CDH9: variants seen among roughly 807,000 people sequenced by gnomAD.
CDH9 encodes the protein cadherin-9.
A neutral mutation model predicts 70.9 loss-of-function variants in CDH9; 28 were observed. That is an observed-to-expected ratio of 0.40 (90% CI 0.29 to 0.54). The LOEUF (loss-of-function observed/expected upper bound fraction) is 0.54. CDH9 is among the 20% of genes least tolerant of loss of function. The pLI is 0.59. For missense variants in CDH9, 874 were observed against 984.4 expected (o/e 0.89, Z 1.50); for synonymous variants, 409 against 343.1 (o/e 1.19, Z -2.12).
chr5:27,008,786 G>A (rs1271078434), intron 1 of CDH9, among the ~76,000 whole-genome samples: 1 of 152,124 alleles, frequency 6.6e-6, no homozygotes, highest in Non-Finnish European at 1.5e-5. Context: ...CATTTACCAA[G>A]CCAGTCCACA....
intron 1 of CDH9, 36 bp from the exon 2 acceptor site, chr5:26,988,418 C>A: frequency 6.6e-7 from 1 of 1,520,268 alleles, no homozygotes; most frequent in South Asian, 1.3e-5. Context: ...GCTGTATTAG[C>A]TTGAGTTTCA....
At chr5:26,888,944 C>T (rs1369348380) in intron 9 of CDH9, among the ~76,000 whole-genome samples, 1 of 152,128 alleles carries the variant, frequency 6.6e-6, no homozygotes, top group African/African-American at 2.4e-5. Context: ...TATAACTTCA[C>T]TTCATCTTAA....
At chr5:26,967,747 C>G (rs901538770) in intron 2 of CDH9, among the ~76,000 whole-genome samples, 7 of 152,028 alleles carry the variant, frequency 4.6e-5, no homozygotes, top group African/African-American at 1.7e-4. Context: ...GTCACCCAGG[C>G]TGGAGTATAG....
intron 2 of CDH9, among the ~76,000 whole-genome samples, chr5:26,955,494 T>C (rs1441742737): frequency 6.6e-6 from 1 of 152,166 alleles, no homozygotes; most frequent in East Asian, 1.9e-4. Flanking sequence ...CCTTGGCTCG[T>C]AGCCCCATTC....
At chr5:26,901,011 A>C (rs1480939769) in intron 7 of CDH9, among the ~76,000 whole-genome samples, 2 of 152,030 alleles carry the variant, frequency 1.3e-5, no homozygotes, top group African/African-American at 2.4e-5. Context: ...CATTTCAATA[A>C]AACACAAATC....
At position 26,929,842 on chromosome 5, in the gene CDH9, G is replaced by T. The variant is rs147860222; in HGVS notation, c.229-13918C>A. On this transcript the variant is annotated intron_variant, in intron 2 of 11. Transcript: ENST00000231021. ...AGTAGAATGATGGTTACCAGAGGCT[G>T]GGAAGTTTAGTATCGAATGGGGAGG... Among the ~76,000 whole-genome samples the T allele has an allele frequency of 6.5e-3, 993 of 152,048 alleles. 10 individuals carry two copies. Among genetic ancestry groups the T allele is most frequent in the African/African-American group, 0.021 (892 of 41,510 alleles).
chr5:26,918,233 A>G (rs777414008), intron 2 of CDH9, among the ~76,000 whole-genome samples: 2 of 151,644 alleles, frequency 1.3e-5, no homozygotes, highest in Admixed American at 6.6e-5. Flanking sequence ...TTACACCTTT[A>G]CCTTCTTTTT....
At chr5:26,886,961 C>A (rs951703202) in intron 9 of CDH9, among the ~76,000 whole-genome samples, 12 of 152,114 alleles carry the variant, frequency 7.9e-5, no homozygotes, top group Non-Finnish European at 1.2e-4. Flanking sequence ...ATAGACAGGT[C>A]TCATAGTCTA....
chr5:26,893,644 T>C (rs1465965669), intron 7 of CDH9, among the ~76,000 whole-genome samples: 1 of 151,888 alleles, frequency 6.6e-6, no homozygotes, highest in Non-Finnish European at 1.5e-5. Context: ...AACCTAGATA[T>C]AAAAATATGT....
chr5:26,900,658 A>C (rs1237409765), intron 7 of CDH9, among the ~76,000 whole-genome samples: 6 of 152,116 alleles, frequency 3.9e-5, no homozygotes, highest in Non-Finnish European at 5.9e-5. Flanking sequence ...ATATGATGTC[A>C]TTGTTTACAG....
chr5:26,921,506 G>A (rs2112012277), intron 2 of CDH9, among the ~76,000 whole-genome samples: 1 of 152,208 alleles, frequency 6.6e-6, no homozygotes, highest in South Asian at 2.1e-4. Flanking sequence ...AACTAGGTAA[G>A]GACTAAAGCA....
At chr5:26,986,874 G>A (rs544799452) in intron 2 of CDH9, among the ~76,000 whole-genome samples, 3 of 152,038 alleles carry the variant, frequency 2.0e-5, no homozygotes, top group African/African-American at 7.2e-5. Flanking sequence ...AACCAGCAAG[G>A]GAACTGAATG....
At chr5:26,932,375 T>C (rs1741477974) in intron 2 of CDH9, among the ~76,000 whole-genome samples, 1 of 152,014 alleles carries the variant, frequency 6.6e-6, no homozygotes. Context: ...GCAAATATTT[T>C]TCATACGAGC....
At chr5:26,944,399 C>T (rs879657527) in intron 2 of CDH9, among the ~76,000 whole-genome samples, 1 of 152,168 alleles carries the variant, frequency 6.6e-6, no homozygotes, top group African/African-American at 2.4e-5. Context: ...GCCTGTAATC[C>T]CAGCACTTTG....
At chr5:26,911,041 C>A (rs1741044142) in intron 3 of CDH9, among the ~76,000 whole-genome samples, 1 of 152,122 alleles carries the variant, frequency 6.6e-6, no homozygotes, top group Non-Finnish European at 1.5e-5. Context: ...CTGTGAAATG[C>A]AAACTCTTTA....
At chr5:26,916,407 C>G (rs891372186) in intron 2 of CDH9, among the ~76,000 whole-genome samples, 2 of 151,818 alleles carry the variant, frequency 1.3e-5, no homozygotes, top group Non-Finnish European at 2.9e-5. Context: ...CAGAGTATCC[C>G]CTTATCTGTG....
chr5:27,024,359 A>C (rs1187886633), intron 1 of CDH9, among the ~76,000 whole-genome samples: 2 of 152,102 alleles, frequency 1.3e-5, no homozygotes, highest in Non-Finnish European at 2.9e-5. Flanking sequence ...TTTAAAAGCC[A>C]GTGTAAATTT....
At chr5:27,030,526 T>TA (rs529569068) in intron 1 of CDH9, among the ~76,000 whole-genome samples, 2,158 of 131,468 alleles carry the variant, frequency 0.016, 18 homozygotes, top group African/African-American at 0.02. Flanking sequence ...AAGCAGGGAT[T>TA]AAAAAAAAAA....
intron 2 of CDH9, among the ~76,000 whole-genome samples, chr5:26,982,731 C>G (rs1373296543): frequency 6.6e-6 from 1 of 151,916 alleles, no homozygotes; most frequent in Non-Finnish European, 1.5e-5. Flanking sequence ...CTCCATCGCC[C>G]AGGCTCGATC....
Sources: allele counts gnomAD v4.1 joint callset (sites outside exome capture counted in the v4.1 genomes callset), GRCh38; gene constraint gnomAD v4.1.1; transcripts MANE v1.5; gene names NCBI Gene and HGNC (gene_info 2026-07-23, HGNC 2026-07-21).